HS6ST3: variants seen among roughly 807,000 people sequenced by gnomAD.
The protein encoded by HS6ST3 is heparan-sulfate 6-O-sulfotransferase 3.
In HS6ST3, 12 loss-of-function variants were observed where a neutral mutation model predicts 36.7. The observed-to-expected ratio is 0.33, with a 90% confidence interval of 0.21 to 0.53. The LOEUF (loss-of-function observed/expected upper bound fraction) is 0.53. HS6ST3 is among the 20% of genes least tolerant of loss of function. The pLI is 0.95. For missense variants in HS6ST3, 584 were observed against 640.9 expected, an observed-to-expected ratio of 0.91 and a Z score of 0.96; for synonymous variants, 240 against 257.5, an observed-to-expected ratio of 0.93 and a Z score of 0.65.
intron 1 of HS6ST3, among the ~76,000 whole-genome samples, chr13:96,416,792 G>T (rs530332074): frequency 1.1e-4 from 15 of 139,468 alleles, no homozygotes; most frequent in Admixed American, 7.0e-4. Flanking sequence ...TCGCTCTGTT[G>T]CCCAGGCTAG....
At chr13:96,674,459 C>T (rs1291126911) in intron 1 of HS6ST3, among the ~76,000 whole-genome samples, 1 of 152,042 alleles carries the variant, frequency 6.6e-6, no homozygotes, top group Non-Finnish European at 1.5e-5. Context: ...TATAGGTGGT[C>T]CTTCTCAGAG....
At chr13:96,451,387 G>A (rs1006077180) in intron 1 of HS6ST3, among the ~76,000 whole-genome samples, 1 of 152,112 alleles carries the variant, frequency 6.6e-6, no homozygotes, top group Non-Finnish European at 1.5e-5. Flanking sequence ...TTAAGGCATA[G>A]TCATGTTATC....
At chr13:96,548,334 A>T (rs1157137660) in intron 1 of HS6ST3, among the ~76,000 whole-genome samples, 1 of 152,206 alleles carries the variant, frequency 6.6e-6, no homozygotes, top group Non-Finnish European at 1.5e-5. Flanking sequence ...GGACATCTGC[A>T]GGAATCAATC....
At chr13:96,361,427 G>T (rs1388494764) in intron 1 of HS6ST3, among the ~76,000 whole-genome samples, 2 of 152,180 alleles carry the variant, frequency 1.3e-5, no homozygotes, top group African/African-American at 4.8e-5. Flanking sequence ...TAATTTAAAA[G>T]GCTGTTAGGG....
chr13:96,357,235 TC>T (rs1200722349), intron 1 of HS6ST3, among the ~76,000 whole-genome samples: 8 of 152,244 alleles, frequency 5.3e-5, no homozygotes, highest in African/African-American at 1.9e-4. Flanking sequence ...CAATTGTGTG[TC>T]CACTGGAGTA....
intron 1 of HS6ST3, among the ~76,000 whole-genome samples, chr13:96,188,487 T>G (rs893091294): frequency 6.6e-6 from 1 of 152,096 alleles, no homozygotes; most frequent in Non-Finnish European, 1.5e-5. Flanking sequence ...TAGAGTAAAC[T>G]TTCTAGAAAA....
intron 1 of HS6ST3, among the ~76,000 whole-genome samples, chr13:96,406,936 T>C (rs906960413): frequency 5.9e-5 from 9 of 152,274 alleles, no homozygotes; most frequent in African/African-American, 1.9e-4. Context: ...AAGATACATA[T>C]ACAACTGTAC....
At chr13:96,107,854 T>G (rs1264149189) in intron 1 of HS6ST3, among the ~76,000 whole-genome samples, 1 of 152,244 alleles carries the variant, frequency 6.6e-6, no homozygotes, top group East Asian at 1.9e-4. Flanking sequence ...ATGCCTGTCT[T>G]TAATTTAATC....
At chr13:96,338,645 G>A (rs1006201039) in intron 1 of HS6ST3, among the ~76,000 whole-genome samples, 2 of 152,130 alleles carry the variant, frequency 1.3e-5, no homozygotes, top group African/African-American at 4.8e-5. Flanking sequence ...TTTGGGTTAC[G>A]GAATCTCTAG....
intron 1 of HS6ST3, among the ~76,000 whole-genome samples, chr13:96,703,727 C>T (rs902367039): frequency 2.0e-4 from 31 of 152,266 alleles, no homozygotes; most frequent in Middle Eastern, 6.8e-3. Flanking sequence ...TTAGTCCTTA[C>T]CCTCAAAATA....
intron 1 of HS6ST3, among the ~76,000 whole-genome samples, chr13:96,536,788 G>C (rs1233610162): frequency 6.6e-6 from 1 of 152,168 alleles, no homozygotes; most frequent in Non-Finnish European, 1.5e-5. Flanking sequence ...TACTTTCTCT[G>C]GAGATGTTTA....
At chr13:96,542,714 C>A (rs1594803327) in intron 1 of HS6ST3, among the ~76,000 whole-genome samples, 1 of 152,168 alleles carries the variant, frequency 6.6e-6, no homozygotes, top group Non-Finnish European at 1.5e-5. Flanking sequence ...GCTCACATGA[C>A]CTCCACTCAA....
At chr13:96,819,286 C>T (rs1878483193) in intron 1 of HS6ST3, among the ~76,000 whole-genome samples, 1 of 152,066 alleles carries the variant, frequency 6.6e-6, no homozygotes, top group Admixed American at 6.6e-5. Flanking sequence ...AAAAAGAGAC[C>T]CCAGACTTTA....
intron 1 of HS6ST3, among the ~76,000 whole-genome samples, chr13:96,157,667 A>T (rs1485353707): frequency 1.3e-5 from 2 of 152,220 alleles, no homozygotes; most frequent in East Asian, 3.8e-4. Flanking sequence ...CTAGAGGGTT[A>T]TATTTTGTGA....
intron 1 of HS6ST3, among the ~76,000 whole-genome samples, chr13:96,642,131 T>C (rs988883870): frequency 6.6e-6 from 1 of 151,808 alleles, no homozygotes; most frequent in African/African-American, 2.4e-5. Flanking sequence ...ACTTCATTTT[T>C]GAAGAATTTT....
At position 96,838,173 on chromosome 13, in the gene HS6ST3, G is replaced by T. The variant is rs1004330615; in HGVS notation, c.*4975G>T. The T allele has an allele frequency of 6.6e-6, 1 of 152,092 alleles. No individual in the cohort carries two copies. Among genetic ancestry groups the T allele is most frequent in the Non-Finnish European group, 1.5e-5 (1 of 68,022 alleles). The allele number at this position is 152,092 out of a possible 1,614,324, so 9.4% of individuals were successfully genotyped here. On this transcript the variant is annotated 3_prime_UTR_variant, in exon 2 of 2. Coordinates refer to ENST00000376705, the MANE Select transcript of HS6ST3 (RefSeq NM_153456.4). ...GAGGCAGATCTTTCCAAGGTGGAAA[G>T]GTAATGAATTAAATATATGACATGT...
chr13:96,806,959 A>G (rs1462342520), intron 1 of HS6ST3, among the ~76,000 whole-genome samples: 1 of 152,172 alleles, frequency 6.6e-6, no homozygotes, highest in Non-Finnish European at 1.5e-5. Context: ...AGAAGATAAG[A>G]GCAAGGCTTC....
intron 1 of HS6ST3, among the ~76,000 whole-genome samples, chr13:96,203,187 C>T (rs2054351994): frequency 6.6e-6 from 1 of 152,142 alleles, no homozygotes; most frequent in African/African-American, 2.4e-5. Context: ...ATACAATAGA[C>T]AGGGTGGCTT....
In HS6ST3 at chr13:96,833,087, G is replaced by T; in HGVS notation, c.1305G>T (p.Arg435=). The part of the protein sequence containing the change: ...LEHQRDRQKR[R]EERRLQREHR... ...ACCAGAGGGACCGCCAGAAGCGGCG[G>T]GAGGAGCGGAGGCTGCAGCGAGAGC... The change falls in exon 2 of 2, where the codon CGG becomes CGT. Residue 435 remains arginine, a synonymous_variant. Transcript: ENST00000376705. 1 of 1,609,812 alleles carries T rather than the reference G, an allele frequency of 6.2e-7. No homozygotes were observed.
Sources: gnomAD v4.1 joint callset for allele counts (sites outside exome capture counted in the v4.1 genomes callset) on GRCh38, gnomAD v4.1.1 for gene constraint, MANE v1.5 for transcripts, NCBI Gene and HGNC (gene_info 2026-07-23, HGNC 2026-07-21) for gene names.